The following DYM variants were observed in gnomAD, a reference collection of about 807,000 sequenced individuals.
DYM encodes the protein dymeclin, also known as dyggve-Melchior-Clausen syndrome protein.
Under a neutral mutation model 93.1 loss-of-function variants are expected in DYM, and 78 were observed. That is an observed-to-expected ratio of 0.84 (90% CI 0.70 to 1.01). The LOEUF (loss-of-function observed/expected upper bound fraction) is 1.01, where lower values mean the gene tolerates loss of function less well. Ranked by LOEUF, DYM falls within the 50% of genes least tolerant of loss-of-function variation. The pLI is 0.00. For synonymous variants in DYM, 321 were observed against 319.7 expected, an observed-to-expected ratio of 1.00 and a Z score of -0.04; for missense variants, 789 against 845.0, an observed-to-expected ratio of 0.93 and a Z score of 0.82.
intron 14 of DYM, among the ~76,000 whole-genome samples, chr18:49,189,016 A>T (rs936506008): frequency 2.6e-5 from 4 of 152,198 alleles, no homozygotes; most frequent in African/African-American, 9.7e-5. Flanking sequence ...GAACAAAATC[A>T]TGTATTTTGC....
chr18:49,219,492 AT>A, intron 13 of DYM, among the ~76,000 whole-genome samples: 1 of 152,190 alleles, frequency 6.6e-6, no homozygotes, highest in South Asian at 2.1e-4. Flanking sequence ...ATGAACATTG[AT>A]GCAAAAATCC....
At chr18:49,243,270 T>A (rs1277957842) in intron 13 of DYM, among the ~76,000 whole-genome samples, 1 of 152,180 alleles carries the variant, frequency 6.6e-6, no homozygotes, top group East Asian at 1.9e-4. Flanking sequence ...GAATTGCCAA[T>A]GCCTGGAGAT....
chr18:49,063,310 T>G (rs1343048731), intron 17 of DYM, among the ~76,000 whole-genome samples: 1 of 141,768 alleles, frequency 7.1e-6, no homozygotes, highest in Non-Finnish European at 1.5e-5. Context: ...TTCTTTTCTT[T>G]TTTTTTTTTT....
At chr18:49,082,177 T>A (rs2078106331) in intron 17 of DYM, among the ~76,000 whole-genome samples, 1 of 152,244 alleles carries the variant, frequency 6.6e-6, no homozygotes, top group African/African-American at 2.4e-5. Context: ...CCATGTGAGG[T>A]GCTTGCCACC....
chr18:49,439,951 G>C (rs1286850272), intron 1 of DYM, among the ~76,000 whole-genome samples: 1 of 151,532 alleles, frequency 6.6e-6, no homozygotes, highest in Non-Finnish European at 1.5e-5. Flanking sequence ...GTTGCAGTGA[G>C]CTATTATACA....
chr18:49,231,838 C>G (rs1159493048), intron 13 of DYM, among the ~76,000 whole-genome samples: 1 of 152,172 alleles, frequency 6.6e-6, no homozygotes, highest in Admixed American at 6.5e-5. Flanking sequence ...TAAATACAAA[C>G]TGTAAGTACT....
intron 1 of DYM, among the ~76,000 whole-genome samples, chr18:49,450,752 T>C (rs1600372416): frequency 1.3e-5 from 2 of 152,276 alleles, no homozygotes; most frequent in East Asian, 3.8e-4. Flanking sequence ...TCTAAAATTC[T>C]AATGTCTAAG....
At chr18:49,349,660 T>G (rs1187706373) in intron 6 of DYM, among the ~76,000 whole-genome samples, 1 of 152,144 alleles carries the variant, frequency 6.6e-6, no homozygotes, top group Non-Finnish European at 1.5e-5. Context: ...CAAATGCACA[T>G]AAGAATCACA....
rs1313630057 is a variant in DYM at position 49,081,540 on chromosome 18, G to A, written c.2025+15862C>T. Among the ~76,000 whole-genome samples the A allele has an allele frequency of 3.5e-4, 13 of 37,566 alleles. No individual in the cohort carries two copies. The South Asian group carries it at 0.015, about 42-fold the overall frequency. The allele number at this position is 37,566 out of a possible 152,430, so 24.6% of individuals were successfully genotyped here. ...CGAGAGGGAGAGGGGAGAGGGGAGA[G>A]GGGAGAGGGGAGAGGGGAGAGGGGA... On this transcript the variant is annotated intron_variant, in intron 17 of 17. Coordinates refer to ENST00000675505, the MANE Select transcript of DYM (RefSeq NM_001353214.3).
chr18:49,216,041 C>G (rs1171258933), intron 13 of DYM, among the ~76,000 whole-genome samples: 1 of 152,344 alleles, frequency 6.6e-6, no homozygotes, highest in East Asian at 1.9e-4. Flanking sequence ...TCGGGTCAAT[C>G]TCACCCTAAT....
At chr18:49,047,495 T>C (rs1162004785) in intron 17 of DYM, among the ~76,000 whole-genome samples, 2 of 152,216 alleles carry the variant, frequency 1.3e-5, no homozygotes, top group Non-Finnish European at 2.9e-5. Context: ...CAGAGTTCAA[T>C]GAGGCCCCAG....
intron 16 of DYM, among the ~76,000 whole-genome samples, chr18:49,108,083 A>T (rs961882040): frequency 2.0e-5 from 3 of 152,104 alleles, no homozygotes; most frequent in Non-Finnish European, 4.4e-5. Flanking sequence ...CACTTTGTTT[A>T]CCTACTCAAG....
At chr18:49,427,569 A>T (rs1354569201) in intron 2 of DYM, among the ~76,000 whole-genome samples, 1 of 151,836 alleles carries the variant, frequency 6.6e-6, no homozygotes, top group Non-Finnish European at 1.5e-5. Flanking sequence ...GAGGTGTGAT[A>T]ATGGTATTAT....
intron 11 of DYM, among the ~76,000 whole-genome samples, chr18:49,266,491 G>A (rs1178343312): frequency 6.6e-6 from 1 of 152,100 alleles, no homozygotes; most frequent in East Asian, 1.9e-4. Flanking sequence ...TGCACCTGCA[G>A]TCCCAGCTAC....
At chr18:49,428,688 A>G (rs1311718485) in intron 2 of DYM, among the ~76,000 whole-genome samples, 1 of 152,080 alleles carries the variant, frequency 6.6e-6, no homozygotes, top group Non-Finnish European at 1.5e-5. Context: ...AAAAATAAAT[A>G]AATAAATAAG....
intron 8 of DYM, among the ~76,000 whole-genome samples, chr18:49,314,663 C>T (rs191115645): frequency 2.0e-5 from 3 of 152,258 alleles, no homozygotes; most frequent in Admixed American, 1.3e-4. Flanking sequence ...ACAATATTTG[C>T]CTAATTTTGA....
At chr18:49,404,801 C>G (rs894467684) in intron 2 of DYM, among the ~76,000 whole-genome samples, 11 of 152,072 alleles carry the variant, frequency 7.2e-5, no homozygotes, top group Non-Finnish European at 1.6e-4. Flanking sequence ...AGGTGAATCA[C>G]GAGGTCAGGA....
At chr18:49,420,525 T>C (rs971381138) in intron 2 of DYM, among the ~76,000 whole-genome samples, 1 of 151,868 alleles carries the variant, frequency 6.6e-6, no homozygotes, top group African/African-American at 2.4e-5. Flanking sequence ...AGTTAAAAAT[T>C]AAAATTTGGG....
chr18:49,276,330 A>G (rs2094845886), intron 10 of DYM, among the ~76,000 whole-genome samples: 1 of 151,976 alleles, frequency 6.6e-6, no homozygotes, highest in Non-Finnish European at 1.5e-5. Context: ...TTAAATAATC[A>G]TATGATTTTT....
Sources: allele counts gnomAD v4.1 joint callset (sites outside exome capture counted in the v4.1 genomes callset), GRCh38; gene constraint gnomAD v4.1.1; transcripts MANE v1.5; gene names NCBI Gene and HGNC (gene_info 2026-07-23, HGNC 2026-07-21).